Variants in KCTD18 observed in about 807,000 individuals in gnomAD.
KCTD18 encodes potassium channel tetramerization domain containing 18.
Under a neutral mutation model 30.4 loss-of-function variants are expected in KCTD18, and 22 were observed. The observed-to-expected ratio is 0.72, with a 90% CI of 0.52 to 1.03. The LOEUF is 1.03. Among genes scored for constraint, KCTD18 ranks in the 50% least tolerant of loss-of-function variants. The pLI, the probability that KCTD18 is intolerant of heterozygous loss-of-function variation, is 0.00. For missense variants in KCTD18, 529 were observed against 547.6 expected, an observed-to-expected ratio of 0.97 and a Z score of 0.34; for synonymous variants, 186 against 209.0, an observed-to-expected ratio of 0.89 and a Z score of 0.95.
intron 3 of KCTD18, among the ~76,000 whole-genome samples, chr2:200,502,649 C>T (rs1179278933): frequency 6.6e-6 from 1 of 152,194 alleles, no homozygotes; most frequent in East Asian, 1.9e-4. Context: ...TAACAATGAA[C>T]AATGGTGAGA....
rs2087882107 is a variant in KCTD18 at position 200,490,042 on chromosome 2, G to T, written c.*58C>A. ...CATTAAGAAAGTGTCACTTCTTTGC[G>T]TCGAATGGGTTGAAAGCTTTGGGAG... On this transcript the variant is annotated 3_prime_UTR_variant, in exon 7 of 7. Coordinates refer to ENST00000359878, the MANE Select transcript of KCTD18 (RefSeq NM_152387.4). The T allele has an allele frequency of 3.3e-6, 5 of 1,493,790 alleles. No individual in the cohort carries two copies. The highest frequency in any genetic ancestry group is 4.5e-6 in the Non-Finnish European group (5 of 1,118,608). The allele number at this position is 1,493,790 out of a possible 1,614,324, so 92.5% of individuals were successfully genotyped here.
At chr2:200,503,373 C>G (rs1358840299) in intron 3 of KCTD18, among the ~76,000 whole-genome samples, 1 of 152,154 alleles carries the variant, frequency 6.6e-6, no homozygotes, top group Non-Finnish European at 1.5e-5. Context: ...CCCAACTATA[C>G]TATAAACTTC....
chr2:200,491,493 T>G (rs1194110214), intron 6 of KCTD18, among the ~76,000 whole-genome samples: 1 of 152,226 alleles, frequency 6.6e-6, no homozygotes. Context: ...ATATTAAAGA[T>G]TATGAAAGGC....
intron 6 of KCTD18, among the ~76,000 whole-genome samples, chr2:200,491,631 C>T (rs1256951394): frequency 6.6e-6 from 1 of 152,166 alleles, no homozygotes; most frequent in Non-Finnish European, 1.5e-5. Context: ...TTCAAAGATT[C>T]CAGAACTGAG....
At chr2:200,504,234 G>A (rs1559186062) in intron 3 of KCTD18, among the ~76,000 whole-genome samples, 2 of 152,240 alleles carry the variant, frequency 1.3e-5, no homozygotes, top group East Asian at 1.9e-4. Flanking sequence ...CCAGATGGGC[G>A]GATCACGAGG....
chr2:200,497,956 C>A, intron 4 of KCTD18, 109 bp from the exon 5 acceptor site: 1 of 749,108 alleles, frequency 1.3e-6, no homozygotes, highest in Non-Finnish European at 2.3e-6. Context: ...AGGGAAAAAA[C>A]ATGTAAGCAC....
intron 2 of KCTD18, 147 bp from the exon 3 acceptor site, chr2:200,505,106 G>T: frequency 1.5e-6 from 1 of 663,634 alleles, no homozygotes. Context: ...ATAGGTTTAT[G>T]TAATCTAAGC....
At chr2:200,499,132 A>G (rs2088044266) in intron 3 of KCTD18, 48 bp from the exon 4 acceptor site, 1 of 1,267,432 alleles carries the variant, frequency 7.9e-7, no homozygotes, top group African/African-American at 1.5e-5. Context: ...CTAGAGTAAA[A>G]TAAAAATGAA....
chr2:200,509,058 GTCAC>G (rs1438006552), intron 1 of KCTD18, among the ~76,000 whole-genome samples: 1 of 152,164 alleles, frequency 6.6e-6, no homozygotes, highest in East Asian at 1.9e-4. Flanking sequence ...CAGGGCCTGT[GTCAC>G]TCTTAATAAC....
At chr2:200,509,108 T>G (rs558148677) in intron 1 of KCTD18, among the ~76,000 whole-genome samples, 1 of 152,262 alleles carries the variant, frequency 6.6e-6, no homozygotes, top group South Asian at 2.1e-4. Context: ...TGCCAGCCAT[T>G]GTAAGAGACA....
At chr2:200,500,558 G>C (rs957803982) in intron 3 of KCTD18, among the ~76,000 whole-genome samples, 27 of 150,004 alleles carry the variant, frequency 1.8e-4, no homozygotes, top group Admixed American at 8.6e-4. Context: ...AAAATACCTA[G>C]GAATCCAACT....
chr2:200,507,034 G>A lies in KCTD18; in HGVS notation c.-18C>T, dbSNP rs368823154. ...CCTTCCATTTCTCCCCCAGGCACCT[G>A]AATTTTTGCCGCCCAACACTTTCAG... On this transcript the variant is annotated 5_prime_UTR_variant, in exon 2 of 7. Transcript: ENST00000359878. 1 of 1,591,088 alleles carries A rather than the reference G, an allele frequency of 6.3e-7. No individual in the cohort carries two copies. Among genetic ancestry groups the A allele is most frequent in the Non-Finnish European group, 8.6e-7 (1 of 1,165,486 alleles).
intron 3 of KCTD18, among the ~76,000 whole-genome samples, chr2:200,502,217 G>T (rs1409175160): frequency 6.6e-6 from 1 of 151,898 alleles, no homozygotes; most frequent in Non-Finnish European, 1.5e-5. Flanking sequence ...CAGCGCACTA[G>T]CATGGTACAT....
intron 5 of KCTD18, chr2:200,497,202 C>T (rs935920998): frequency 1.3e-5 from 2 of 152,768 alleles, no homozygotes; most frequent in South Asian, 4.1e-4. Flanking sequence ...ACTCAGTTTC[C>T]TCATCTATAA....
intron 3 of KCTD18, among the ~76,000 whole-genome samples, chr2:200,500,451 G>A (rs377163979): frequency 3.9e-5 from 6 of 152,128 alleles, no homozygotes; most frequent in African/African-American, 9.7e-5. Context: ...TACAAAATCA[G>A]TGTGCAAAAA....
Position 200,490,190 on chromosome 2 carries a change from C to T in KCTD18, c.1191G>A (p.Thr397=). 1.2e-6 allele frequency: 2 copies of T among 1,613,886 alleles called. No individual in the cohort carries two copies. Among genetic ancestry groups the T allele is most frequent in the Non-Finnish European group, 8.5e-7 (1 of 1,179,776 alleles). ...TAPCLPSPTA[T]RQANSLKPLP... ...GCGGCTTGAGGGAGTTGGCCTGCCTCGTGGCCGTGGGGGAGGGCAGGCAAG... is the reference window on the plus strand; with the variant it reads ...GCGGCTTGAGGGAGTTGGCCTGCCTTGTGGCCGTGGGGGAGGGCAGGCAAG... Residue 397 remains threonine, a synonymous_variant, in exon 7 of 7, where the codon ACG becomes ACA. Coordinates refer to ENST00000359878, the MANE Select transcript of KCTD18 (RefSeq NM_152387.4).
intron 2 of KCTD18, 25 bp downstream of exon 2, chr2:200,506,832 A>C: frequency 6.2e-7 from 1 of 1,606,900 alleles, no homozygotes; most frequent in East Asian, 2.2e-5. Flanking sequence ...TATTCAGATC[A>C]TGCTTTCAGA....
At chr2:200,492,596 A>G (rs949237567) in intron 6 of KCTD18, among the ~76,000 whole-genome samples, 1 of 152,210 alleles carries the variant, frequency 6.6e-6, no homozygotes, top group Non-Finnish European at 1.5e-5. Flanking sequence ...AGAACATGTG[A>G]TCAAGAAATC....
rs376226481 is a variant in KCTD18, at chr2:200,502,752, C to T, written c.372+1996G>A. Among the ~76,000 whole-genome samples the T allele has an allele frequency of 4.6e-5, 7 of 152,030 alleles. No individual in the cohort carries two copies. The South Asian group carries it at 1.2e-3, about 27-fold the overall frequency. On this transcript the variant is annotated intron_variant, in intron 3 of 6. Coordinates refer to ENST00000359878, the MANE Select transcript of KCTD18 (RefSeq NM_152387.4). ...CCTGTGTAAGAAGTGCCACCAGGAC[C>T]GGGTGCAGGGGCTCACACCTGTAAC...
Sources: gnomAD v4.1 joint callset for allele counts (sites outside exome capture counted in the v4.1 genomes callset) on GRCh38, gnomAD v4.1.1 for gene constraint, MANE v1.5 for transcripts, NCBI Gene and HGNC (gene_info 2026-07-23, HGNC 2026-07-21) for gene names.